Variants in EML1 observed in about 807,000 individuals in gnomAD.
The protein encoded by EML1 is echinoderm microtubule-associated protein-like 1.
EML1 carries 27 observed loss-of-function variants against 110.4 expected under a neutral mutation model. The observed-to-expected ratio is 0.24, with a 90% CI of 0.18 to 0.34. The LOEUF is 0.34. Ranked by LOEUF, EML1 falls within the 10% of genes least tolerant of loss-of-function variation. EML1 has a pLI of 1.00. For synonymous variants in EML1, 344 were observed against 385.8 expected, an observed-to-expected ratio of 0.89 and a Z score of 1.27; for missense variants, 741 against 1,030.9, an observed-to-expected ratio of 0.72 and a Z score of 3.85.
chr14:99,826,717 A>AG (rs2058366712), intron 1 of EML1, among the ~76,000 whole-genome samples: 1 of 151,098 alleles, frequency 6.6e-6, no homozygotes, highest in African/African-American at 2.5e-5. Context: ...GGAAAAAAAA[A>AG]CAAAAAAAAA....
intron 13 of EML1, 37 bp downstream of exon 13, chr14:99,911,613 A>G: frequency 6.3e-7 from 1 of 1,593,940 alleles, no homozygotes; most frequent in South Asian, 1.2e-5. Context: ...TTTGTTTTTA[A>G]CCTTAAACTG....
chr14:99,874,955 C>T (rs1400391907), intron 3 of EML1: 1 of 1,613,670 alleles, frequency 6.2e-7, no homozygotes, highest in Admixed American at 1.7e-5. Flanking sequence ...TGAGTCTTCT[C>T]AATGCTTGCA....
At chr14:99,924,622 GT>G (rs1375219953) in intron 17 of EML1, among the ~76,000 whole-genome samples, 1 of 152,156 alleles carries the variant, frequency 6.6e-6, no homozygotes, top group Non-Finnish European at 1.5e-5. Context: ...ACCACAGAAA[GT>G]TGTTTCAGTC....
At chr14:99,927,806 G>A (rs1453930127) in intron 17 of EML1, among the ~76,000 whole-genome samples, 4 of 55,676 alleles carry the variant, frequency 7.2e-5, no homozygotes, top group Admixed American at 1.7e-4. Context: ...GTGGTGGGGG[G>A]GGTGGGGGGG....
At position 99,857,974 on chromosome 14, in the gene EML1, G is replaced by A. The variant is rs74676812; in HGVS notation, c.250+6939G>A. ...TCAAATGAAAACGCATGGTACAATG[G>A]ACAGCCCCATCTACATGTACCTTTT... On this transcript the variant is annotated intron_variant, in intron 2 of 21. Transcript: ENST00000262233. Among the ~76,000 whole-genome samples the A allele has an allele frequency of 2.0e-4, 30 of 152,198 alleles. No homozygotes were observed. The East Asian group carries it at 5.4e-3, about 27-fold the overall frequency.
chr14:99,936,158 A>T lies in EML1; in HGVS notation c.2007+32A>T, dbSNP rs760162871. The T allele has an allele frequency of 3.7e-6, 6 of 1,610,508 alleles. No individual in the cohort carries two copies. The Admixed American group carries it at 1.0e-4, about 27-fold the overall frequency. The stretch of plus-strand genomic sequence containing the variant: ...GCTGACAGTGGACCTGTCGCTTCTC[A>T]TGCACTGCGTATAGTTTAACTACCG... On this transcript the variant is annotated intron_variant, in intron 18 of 21. Transcript: ENST00000262233. The surrounding 1 kb of genome is among the most constrained non-coding windows in gnomAD (Gnocchi z 5.5).
chr14:99,890,894 G>A lies in EML1; in HGVS notation c.519-305G>A, dbSNP rs78992082. 1.5e-3 allele frequency among the ~76,000 whole-genome samples: 223 copies of A among 152,282 alleles called. 6 individuals carry two copies. In the East Asian group the frequency reaches 0.039, roughly 26 times the overall value. On this transcript the variant is annotated intron_variant, in intron 4 of 21. Coordinates refer to ENST00000262233, the MANE Select transcript of EML1 (RefSeq NM_004434.3). ...AAAAACAACCGTTTTTACACATTTAGACAGGGTCATTCCCTTCTTGATTAA... is the reference window on the plus strand; with the variant it reads ...AAAAACAACCGTTTTTACACATTTAAACAGGGTCATTCCCTTCTTGATTAA...
chr14:99,824,517 TAC>T (rs2058319647), intron 1 of EML1, among the ~76,000 whole-genome samples: 1 of 151,398 alleles, frequency 6.6e-6, no homozygotes, highest in Non-Finnish European at 1.5e-5. Context: ...ACATACTGTG[TAC>T]ACACATATAT....
In EML1 at chr14:99,936,150, C is replaced by T. The variant is rs771420895; in HGVS notation, c.2007+24C>T. 15 of 1,613,638 alleles carry T rather than the reference C, an allele frequency of 9.3e-6. No homozygotes were observed. The Admixed American group carries it at 1.5e-4, about 16-fold the overall frequency. ...CGGTAAGCGCTGACAGTGGACCTGTCGCTTCTCATGCACTGCGTATAGTTT... is the reference window on the plus strand; with the variant it reads ...CGGTAAGCGCTGACAGTGGACCTGTTGCTTCTCATGCACTGCGTATAGTTT... On this transcript the variant is annotated intron_variant, in intron 18 of 21. Transcript: ENST00000262233. This position sits in a 1 kb window ranked among gnomAD's most constrained non-coding sequence, Gnocchi z 5.5.
intron 13 of EML1, among the ~76,000 whole-genome samples, chr14:99,913,514 A>G (rs539609161): frequency 2.6e-5 from 4 of 152,318 alleles, no homozygotes; most frequent in African/African-American, 9.6e-5. Context: ...TACTGTTGCT[A>G]TCAGAAATTG....
chr14:99,934,044 G>A (rs1459067076), intron 17 of EML1, among the ~76,000 whole-genome samples: 4 of 152,194 alleles, frequency 2.6e-5, no homozygotes, highest in African/African-American at 7.2e-5. Flanking sequence ...GCAGTGAGCT[G>A]AGATCGTGCC....
intron 3 of EML1, among the ~76,000 whole-genome samples, chr14:99,874,255 A>G (rs890378534): frequency 6.6e-6 from 1 of 152,240 alleles, no homozygotes; most frequent in African/African-American, 2.4e-5. Context: ...GCAATGTAAT[A>G]TAAAGAACCA....
intron 1 of EML1, among the ~76,000 whole-genome samples, chr14:99,783,391 T>C (rs139926737): frequency 0.045 from 6,802 of 152,154 alleles, 181 homozygotes; most frequent in Non-Finnish European, 0.053. Flanking sequence ...CAGTCTATCA[T>C]TGATGGACAT....
intron 1 of EML1, among the ~76,000 whole-genome samples, chr14:99,778,238 A>G (rs768718769): frequency 1.3e-5 from 2 of 152,224 alleles, no homozygotes; most frequent in Non-Finnish European, 2.9e-5. Context: ...TCAGAATTTT[A>G]AAATTTGGCC....
At chr14:99,918,821 A>C (rs2060077898) in intron 16 of EML1, among the ~76,000 whole-genome samples, 1 of 152,186 alleles carries the variant, frequency 6.6e-6, no homozygotes, top group East Asian at 1.9e-4. Context: ...TCTCTAAAAA[A>C]AATTAAAAAT....
chr14:99,935,409 A>G (rs1025532177), intron 17 of EML1, among the ~76,000 whole-genome samples: 1 of 152,042 alleles, frequency 6.6e-6, no homozygotes, highest in Non-Finnish European at 1.5e-5. Context: ...AGGCTGCAGT[A>G]AGCTGTGATC....
At chr14:99,886,957 A>C (rs1328990401) in intron 4 of EML1, among the ~76,000 whole-genome samples, 1 of 152,250 alleles carries the variant, frequency 6.6e-6, no homozygotes, top group Non-Finnish European at 1.5e-5. Context: ...CAGTGAACAC[A>C]TTCAGGGATT....
chr14:99,883,821 G>A (rs142064935), intron 4 of EML1, among the ~76,000 whole-genome samples: 1 of 152,340 alleles, frequency 6.6e-6, no homozygotes, highest in African/African-American at 2.4e-5. Flanking sequence ...AAGTACTTCA[G>A]TTGGACGTTT....
At chr14:99,743,700 C>A (rs1252666580) in intron 1 of EML1, among the ~76,000 whole-genome samples, 1 of 152,214 alleles carries the variant, frequency 6.6e-6, no homozygotes, top group Non-Finnish European at 1.5e-5. Context: ...AATACATTCA[C>A]ATGACTGGGG....
Sources: gnomAD v4.1 joint callset for allele counts (sites outside exome capture counted in the v4.1 genomes callset) on GRCh38, gnomAD v4.1.1 for gene constraint, Gnocchi (gnomAD v3.1) non-coding constraint, MANE v1.5 for transcripts, NCBI Gene and HGNC (gene_info 2026-07-23, HGNC 2026-07-21) for gene names.